Variants in MZT2B observed in about 807,000 individuals in gnomAD.
The protein encoded by MZT2B is mitotic spindle organizing protein 2B.
A neutral mutation model predicts 12.1 loss-of-function variants in MZT2B; 11 were observed. The observed-to-expected ratio is 0.91, with a 90% CI of 0.57 to 1.50. MZT2B has a LOEUF of 1.50. Ranked by LOEUF, MZT2B falls within the 40% of genes most tolerant of loss-of-function variation. MZT2B has a pLI of 0.00. For synonymous variants in MZT2B, 85 were observed against 109.5 expected, an observed-to-expected ratio of 0.78 and a Z score of 1.40; for missense variants, 209 against 227.7, an observed-to-expected ratio of 0.92 and a Z score of 0.53.
intron 2 of MZT2B, chr2:130,183,421 G>C (rs1689885716): frequency 2.6e-6 from 1 of 390,178 alleles, no homozygotes; most frequent in South Asian, 2.3e-5. Context: ...GGTCTGAAGG[G>C]CCTCCTCCCT....
chr2:130,187,482 C>G (rs920418865), intron 2 of MZT2B, among the ~76,000 whole-genome samples: 1 of 152,168 alleles, frequency 6.6e-6, no homozygotes, highest in African/African-American at 2.4e-5. Flanking sequence ...AGCCACTGAC[C>G]CCTGCTGAGC....
downstream of MZT2B, chr2:130,191,799 G>C (rs1247344878): frequency 1.9e-6 from 3 of 1,586,060 alleles, no homozygotes; most frequent in South Asian, 2.3e-5. Flanking sequence ...CCATCCTAGG[G>C]GTGGCAGGGG....
chr2:130,183,793 C>T, intron 2 of MZT2B: 1 of 1,550,698 alleles, frequency 6.4e-7, no homozygotes, highest in South Asian at 1.2e-5. Flanking sequence ...CCAGAGGCCT[C>T]CTTTCTCTCT....
chr2:130,192,165 A>G (rs756429944), downstream of MZT2B: 9 of 1,565,088 alleles, frequency 5.8e-6, no homozygotes, highest in South Asian at 8.4e-5. Flanking sequence ...CGTGAAGCTT[A>G]TATCAAACCT....
At chr2:130,194,286 T>C (rs773095696), downstream of MZT2B, 4 of 1,599,960 alleles carry the variant, frequency 2.5e-6, no homozygotes, top group Non-Finnish European at 3.4e-6. Context: ...AGGATGGAGT[T>C]GTAGGGCTCC....
chr2:130,181,855 C>A (rs776787414), upstream of MZT2B: 6 of 1,534,480 alleles, frequency 3.9e-6, no homozygotes, highest in East Asian at 2.5e-5. Context: ...TGATTAGTGC[C>A]CCCCCCTTCC....
chr2:130,182,889 A>G lies in MZT2B; in HGVS notation c.319+114A>G. 7 of 1,466,182 alleles carry G rather than the reference A, an allele frequency of 4.8e-6. No homozygotes were observed. The South Asian group carries it at 5.5e-5, about 11-fold the overall frequency. The allele number at this position is 1,466,182 out of a possible 1,614,324, so 90.8% of individuals were successfully genotyped here. A position where few individuals can be genotyped will look rare whatever the true frequency, so the allele number is the denominator to read the frequency against. ...AGTGGCCAGGCCTGTCTGTCGGTCT[A>G]GGCCCAGCACCTGCAGGGCCCATCC... On this transcript the variant is annotated intron_variant, in intron 2 of 2. Coordinates refer to ENST00000281871, the MANE Select transcript of MZT2B (RefSeq NM_025029.5).
intron 2 of MZT2B, among the ~76,000 whole-genome samples, chr2:130,188,897 G>A (rs559350525): frequency 4.6e-5 from 7 of 152,088 alleles, no homozygotes; most frequent in Admixed American, 3.3e-4. Flanking sequence ...CTAGACACCC[G>A]GTTGCATCTT....
chr2:130,203,470 C>T, the MZT2B span, among the ~76,000 whole-genome samples: 1 of 152,018 alleles, frequency 6.6e-6, no homozygotes, highest in Non-Finnish European at 1.5e-5. Flanking sequence ...GCCAGATCAG[C>T]TGCAGGGAGG....
At chr2:130,196,621 T>C in the MZT2B span, among the ~76,000 whole-genome samples, 5 of 152,224 alleles carry the variant, frequency 3.3e-5, no homozygotes, top group Non-Finnish European at 5.9e-5. Context: ...ACTTAGGTTA[T>C]TTTAAAACTT....
chr2:130,202,505 C>T, the MZT2B span: 1 of 1,263,488 alleles, frequency 7.9e-7, no homozygotes, highest in African/African-American at 1.5e-5. Flanking sequence ...AGGTTCATTT[C>T]ATACAGATGT....
At chr2:130,202,526 C>T in the MZT2B span, 1 of 1,169,060 alleles carries the variant, frequency 8.6e-7, no homozygotes, top group African/African-American at 1.6e-5. Flanking sequence ...TTACAGACCT[C>T]CTTGGGACTC....
rs1335533561 is a variant in MZT2B, at chr2:130,182,667, G to A, written c.211G>A (p.Ala71Thr). ...DLLKLNVAPL[A>T]VFQMLKSMCA... is the part of the protein sequence containing the mutation. ...GCTGAAGCTGAACGTGGCCCCCCTC[G>A]CCGTCTTCCAGATGCTCAAGTCCAT... Residue 71 changes from alanine to threonine, a missense_variant, in exon 2 of 3, where the codon GCC becomes ACC. Physicochemically the swap from Ala to Thr is moderately conservative, Grantham distance 58. Transcript: ENST00000281871. 4 of 1,553,288 alleles carry A rather than the reference G, an allele frequency of 2.6e-6. No individual in the cohort carries two copies. The Admixed American group carries it at 7.7e-5, about 30-fold the overall frequency.
chr2:130,196,273 A>G, the MZT2B span: 129 of 1,613,870 alleles, frequency 8.0e-5, 1 homozygote, highest in South Asian at 7.1e-4. Flanking sequence ...TTGGCATTTG[A>G]CCATCGGGCT....
At chr2:130,187,803 C>T (rs1438575597) in intron 2 of MZT2B, among the ~76,000 whole-genome samples, 1 of 152,162 alleles carries the variant, frequency 6.6e-6, no homozygotes, top group African/African-American at 2.4e-5. Flanking sequence ...CTGAAGATTT[C>T]CAGGATTTTC....
chr2:130,200,207 C>T, the MZT2B span, among the ~76,000 whole-genome samples: 8 of 151,948 alleles, frequency 5.3e-5, no homozygotes, highest in South Asian at 4.1e-4. Flanking sequence ...CTGGCTAACA[C>T]GGTGAAACCC....
At chr2:130,186,779 A>T (rs1251926534) in intron 2 of MZT2B, among the ~76,000 whole-genome samples, 2 of 152,130 alleles carry the variant, frequency 1.3e-5, no homozygotes, top group Non-Finnish European at 2.9e-5. Context: ...GGTGGCACAC[A>T]TCTGTAGTTC....
At chr2:130,196,250 A>T in the MZT2B span, 2 of 1,613,956 alleles carry the variant, frequency 1.2e-6, no homozygotes, top group Non-Finnish European at 1.7e-6. Flanking sequence ...CCCGCCACCA[A>T]TGGTTTTATC....
upstream of MZT2B, chr2:130,181,858 C>T (rs769899917): frequency 7.8e-6 from 12 of 1,535,504 alleles, 2 homozygotes; most frequent in South Asian, 1.1e-4. Flanking sequence ...TTAGTGCCCC[C>T]CCCTTCCCCC....
Sources: gnomAD v4.1 joint callset for allele counts (sites outside exome capture counted in the v4.1 genomes callset) on GRCh38, gnomAD v4.1.1 for gene constraint, MANE v1.5 for transcripts, NCBI Gene and HGNC (gene_info 2026-07-23, HGNC 2026-07-21) for gene names.